NKAIN3: variants seen among roughly 807,000 people sequenced by gnomAD.
NKAIN3 encodes sodium/potassium-transporting ATPase subunit beta-1-interacting protein 3.
NKAIN3 carries 25 observed loss-of-function variants against 30.2 expected under a neutral mutation model. The ratio of observed to expected loss-of-function variants is 0.83; its 90% CI spans 0.60 to 1.16. The LOEUF (loss-of-function observed/expected upper bound fraction) is 1.16. Among genes scored for constraint, NKAIN3 ranks in the 50% most tolerant of loss-of-function variants. The pLI, the probability that NKAIN3 is intolerant of heterozygous loss-of-function variation, is 0.00. For missense variants in NKAIN3, 225 were observed against 254.1 expected (o/e 0.89, Z 0.78); for synonymous variants, 91 against 89.6 (o/e 1.02, Z -0.09).
intron 1 of NKAIN3, among the ~76,000 whole-genome samples, chr8:62,493,695 T>C (rs1807146440): frequency 6.6e-6 from 1 of 152,120 alleles, no homozygotes; most frequent in African/African-American, 2.4e-5. Context: ...TCTCCATCTC[T>C]GAGTTCTTTG....
chr8:62,276,762 A>C, intron 1 of NKAIN3, among the ~76,000 whole-genome samples: 1 of 152,220 alleles, frequency 6.6e-6, no homozygotes, highest in East Asian at 1.9e-4. Context: ...TGCTTTGCTA[A>C]ATTAATGAGA....
rs917724782 is a variant in NKAIN3 at position 62,977,921 on chromosome 8, T to A, written c.*12514T>A. 1.3e-5 allele frequency: 2 copies of A among 152,312 alleles called. No individual in the cohort carries two copies. Among genetic ancestry groups the A allele is most frequent in the Non-Finnish European group, 2.9e-5 (2 of 68,128 alleles). The allele number at this position is 152,312 out of a possible 1,614,324, so 9.4% of individuals were successfully genotyped here. ...TACATGGTCATGCTCTTTGTTGATG[T>A]TGATGCTATTGCTTTCTGTTTGTTA... On this transcript the variant is annotated 3_prime_UTR_variant, in exon 7 of 7. Coordinates refer to ENST00000623646, the MANE Select transcript of NKAIN3 (RefSeq NM_001304533.3).
At chr8:62,581,937 C>T (rs111205593) in intron 2 of NKAIN3, among the ~76,000 whole-genome samples, 7,230 of 39,008 alleles carry the variant, frequency 0.19, 3,084 homozygotes, top group Non-Finnish European at 0.3. Flanking sequence ...TTTTTCCTTC[C>T]TCCCTCCCAC....
chr8:62,357,658 A>G (rs968749686), intron 1 of NKAIN3, among the ~76,000 whole-genome samples: 9 of 152,040 alleles, frequency 5.9e-5, no homozygotes, highest in Admixed American at 5.9e-4. Flanking sequence ...ATAAAGCCCA[A>G]ACTCCTAAAC....
intron 5 of NKAIN3, among the ~76,000 whole-genome samples, chr8:62,919,484 A>C (rs1822212692): frequency 6.6e-6 from 1 of 151,778 alleles, no homozygotes; most frequent in Admixed American, 6.6e-5. Context: ...TGACCTCGTG[A>C]TCCACCCGCC....
chr8:62,364,774 C>T (rs1338980011), intron 1 of NKAIN3, among the ~76,000 whole-genome samples: 1 of 126,364 alleles, frequency 7.9e-6, no homozygotes, highest in African/African-American at 3.1e-5. Flanking sequence ...GGAGGCAGAG[C>T]TTGCAGATCG....
chr8:62,407,860 C>T (rs976498774), intron 1 of NKAIN3, among the ~76,000 whole-genome samples: 9 of 152,164 alleles, frequency 5.9e-5, no homozygotes, highest in Non-Finnish European at 8.8e-5. Context: ...AGAGAGACCA[C>T]GTCTCTACAA....
At position 62,516,925 on chromosome 8, in the gene NKAIN3, C is replaced by A. The variant is rs370217500; in HGVS notation, c.55-62614C>A. ...CCCCGCTTCCAGAATGTTCCCCCTTCAGTCTTCTACAATTTTAATAATAGC... is the reference window on the plus strand; with the variant it reads ...CCCCGCTTCCAGAATGTTCCCCCTTAAGTCTTCTACAATTTTAATAATAGC... On this transcript the variant is annotated intron_variant, in intron 1 of 6. Transcript: ENST00000623646. 2.2e-3 allele frequency among the ~76,000 whole-genome samples: 332 copies of A among 152,236 alleles called. 1 individual carries two copies. Among genetic ancestry groups the A allele is most frequent in the African/African-American group, 7.6e-3 (318 of 41,572 alleles).
At chr8:62,329,932 A>G (rs1351645989) in intron 1 of NKAIN3, among the ~76,000 whole-genome samples, 1 of 152,084 alleles carries the variant, frequency 6.6e-6, no homozygotes, top group African/African-American at 2.4e-5. Flanking sequence ...TCAAGGAGCT[A>G]CTAGCTCAGT....
At chr8:62,548,275 A>C (rs1368527936) in intron 1 of NKAIN3, among the ~76,000 whole-genome samples, 2 of 152,332 alleles carry the variant, frequency 1.3e-5, no homozygotes, top group East Asian at 3.9e-4. Context: ...CAGTATTTTA[A>C]TGTTTGAAAC....
At chr8:62,994,083 A>T (rs1466016637) in intron 5 of NKAIN3, among the ~76,000 whole-genome samples, 1 of 152,204 alleles carries the variant, frequency 6.6e-6, no homozygotes, top group Non-Finnish European at 1.5e-5. Flanking sequence ...AACATTAAAG[A>T]TGCACGTACC....
At chr8:62,706,830 C>T (rs560558677) in intron 3 of NKAIN3, among the ~76,000 whole-genome samples, 1 of 152,158 alleles carries the variant, frequency 6.6e-6, no homozygotes, top group Admixed American at 6.6e-5. Context: ...TCATCCCTTG[C>T]TCCCCTCCCA....
At chr8:62,287,825 T>C (rs1813429165) in intron 1 of NKAIN3, among the ~76,000 whole-genome samples, 1 of 152,282 alleles carries the variant, frequency 6.6e-6, no homozygotes, top group Admixed American at 6.5e-5. Context: ...GTCCTTCTGG[T>C]CATCTCCCTC....
intron 3 of NKAIN3, among the ~76,000 whole-genome samples, chr8:62,630,156 G>C (rs548550378): frequency 5.3e-5 from 8 of 152,182 alleles, no homozygotes; most frequent in Non-Finnish European, 7.4e-5. Context: ...GTATGTGTGT[G>C]TAGGAAAAAC....
intron 1 of NKAIN3, among the ~76,000 whole-genome samples, chr8:62,538,469 G>A (rs971726059): frequency 2.6e-5 from 4 of 152,136 alleles, no homozygotes; most frequent in East Asian, 1.9e-4. Context: ...GCCACCACTC[G>A]CAGCCATAAA....
At chr8:62,593,901 A>T (rs1477128803) in intron 3 of NKAIN3, among the ~76,000 whole-genome samples, 1 of 152,026 alleles carries the variant, frequency 6.6e-6, no homozygotes, top group Non-Finnish European at 1.5e-5. Context: ...GTACTAGCAG[A>T]TCTGTTAGGT....
intron 1 of NKAIN3, among the ~76,000 whole-genome samples, chr8:62,359,515 C>G (rs79968000): frequency 6.6e-6 from 1 of 152,168 alleles, no homozygotes; most frequent in African/African-American, 2.4e-5. Context: ...TCCTCAGGAT[C>G]GCTGCCTCGC....
At chr8:62,271,179 T>C (rs1812768862) in intron 1 of NKAIN3, among the ~76,000 whole-genome samples, 1 of 152,190 alleles carries the variant, frequency 6.6e-6, no homozygotes, top group Non-Finnish European at 1.5e-5. Flanking sequence ...CTGCCAAGAT[T>C]GGAATGCAGC....
At chr8:62,436,470 A>AT (rs1440502725) in intron 1 of NKAIN3, among the ~76,000 whole-genome samples, 2 of 152,098 alleles carry the variant, frequency 1.3e-5, no homozygotes, top group African/African-American at 4.8e-5. Context: ...AAGCTGTCAC[A>AT]TTTTTTCTTG....
Sources: allele counts gnomAD v4.1 joint callset (sites outside exome capture counted in the v4.1 genomes callset), GRCh38; gene constraint gnomAD v4.1.1; transcripts MANE v1.5; gene names NCBI Gene and HGNC (gene_info 2026-07-23, HGNC 2026-07-21).